CNTNAP2: variants seen among roughly 807,000 people sequenced by gnomAD.
CNTNAP2 encodes contactin associated protein 2.
A neutral mutation model predicts 155.2 loss-of-function variants in CNTNAP2; 98 were observed. The observed-to-expected ratio is 0.63, with a 90% CI of 0.54 to 0.75. CNTNAP2 has a LOEUF of 0.75. Among genes scored for constraint, CNTNAP2 ranks in the 30% least tolerant of loss-of-function variants. The pLI is 0.00. For missense variants in CNTNAP2, 1,727 were observed against 1,688.1 expected, an observed-to-expected ratio of 1.02 and a Z score of -0.40; for synonymous variants, 651 against 631.2, an observed-to-expected ratio of 1.03 and a Z score of -0.47.
At chr7:146,759,873 C>A (rs1802061576) in intron 1 of CNTNAP2, among the ~76,000 whole-genome samples, 1 of 152,008 alleles carries the variant, frequency 6.6e-6, no homozygotes, top group East Asian at 1.9e-4. Context: ...CTGGAAAAAT[C>A]TTATTCAACA....
chr7:146,614,896 T>G (rs565453918), intron 1 of CNTNAP2, among the ~76,000 whole-genome samples: 49 of 152,298 alleles, frequency 3.2e-4, no homozygotes, highest in Middle Eastern at 3.4e-3. Flanking sequence ...AATATTCTAT[T>G]CAGTTATCTG....
chr7:146,332,254 T>G (rs1801200145), intron 1 of CNTNAP2, among the ~76,000 whole-genome samples: 1 of 152,040 alleles, frequency 6.6e-6, no homozygotes, highest in Non-Finnish European at 1.5e-5. Context: ...CGAATGCATA[T>G]TTTTATCTTG....
chr7:146,753,933 A>G (rs1027215247), intron 1 of CNTNAP2, among the ~76,000 whole-genome samples: 1 of 152,076 alleles, frequency 6.6e-6, no homozygotes, highest in Non-Finnish European at 1.5e-5. Flanking sequence ...AAGCTTAACC[A>G]TAATTTATAG....
intron 23 of CNTNAP2, among the ~76,000 whole-genome samples, chr7:148,410,647 A>C (rs1245391981): frequency 6.6e-6 from 1 of 151,918 alleles, no homozygotes; most frequent in Non-Finnish European, 1.5e-5. Flanking sequence ...TCAGAAAATC[A>C]CTGGAGGTCA....
intron 13 of CNTNAP2, among the ~76,000 whole-genome samples, chr7:147,737,896 G>A (rs973829973): frequency 3.3e-5 from 5 of 152,196 alleles, no homozygotes; most frequent in Non-Finnish European, 5.9e-5. Context: ...GGAGTGACCC[G>A]ATTTTCCAGG....
intron 15 of CNTNAP2, among the ~76,000 whole-genome samples, chr7:148,091,863 A>G (rs1803847929): frequency 6.6e-6 from 1 of 152,192 alleles, no homozygotes; most frequent in African/African-American, 2.4e-5. Context: ...AAATTGATGT[A>G]TTTATGACAT....
Position 148,150,134 on chromosome 7 carries a change from C to T in CNTNAP2, c.2773+2425C>T, listed in dbSNP as rs575121679. 8.9e-4 allele frequency among the ~76,000 whole-genome samples: 123 copies of T among 138,342 alleles called. 1 individual carries two copies. Among genetic ancestry groups the T allele is most frequent in the East Asian group, 8.5e-4 (4 of 4,704 alleles). The allele number at this position is 138,342 out of a possible 152,430, so 90.8% of individuals were successfully genotyped here. ...AAAAAAAAAAAAAAAAAAAAAAGGACGGCCACGGTGGCTCACGCCTATAAT... is the reference window on the plus strand; with the variant it reads ...AAAAAAAAAAAAAAAAAAAAAAGGATGGCCACGGTGGCTCACGCCTATAAT... On this transcript the variant is annotated intron_variant, in intron 17 of 23. Transcript: ENST00000361727.
intron 3 of CNTNAP2, among the ~76,000 whole-genome samples, chr7:146,911,030 A>G: frequency 6.6e-6 from 1 of 151,916 alleles, no homozygotes. Context: ...GAAGACATTT[A>G]TGCAGCCAAA....
chr7:147,021,148 T>C (rs1450053359), intron 3 of CNTNAP2, among the ~76,000 whole-genome samples: 1 of 152,168 alleles, frequency 6.6e-6, no homozygotes, highest in East Asian at 1.9e-4. Flanking sequence ...TGGTTTAGAA[T>C]GTGGCCCAAC....
intron 20 of CNTNAP2, among the ~76,000 whole-genome samples, chr7:148,264,170 G>A (rs1193299087): frequency 1.3e-5 from 2 of 152,142 alleles, no homozygotes; most frequent in Admixed American, 6.5e-5. Context: ...TCCATAGAAC[G>A]AAATACTAGT....
intron 8 of CNTNAP2, among the ~76,000 whole-genome samples, chr7:147,277,049 G>A (rs1414571370): frequency 2.0e-5 from 3 of 151,914 alleles, no homozygotes; most frequent in African/African-American, 7.3e-5. Flanking sequence ...CAAGTGCTGC[G>A]TTACAATTCA....
At chr7:147,547,928 G>A (rs1799773198) in intron 11 of CNTNAP2, among the ~76,000 whole-genome samples, 1 of 152,106 alleles carries the variant, frequency 6.6e-6, no homozygotes, top group Non-Finnish European at 1.5e-5. Context: ...TCCCTGAAAA[G>A]GACATAATCT....
intron 11 of CNTNAP2, among the ~76,000 whole-genome samples, chr7:147,530,266 A>G (rs1175351081): frequency 4.0e-5 from 6 of 150,170 alleles, no homozygotes; most frequent in South Asian, 2.1e-4. Context: ...GCTCACCACA[A>G]CCTCCACCTC....
At chr7:147,687,795 G>C (rs990643618) in intron 13 of CNTNAP2, among the ~76,000 whole-genome samples, 4 of 152,102 alleles carry the variant, frequency 2.6e-5, no homozygotes, top group African/African-American at 7.2e-5. Flanking sequence ...TCAGTACACT[G>C]TAAGTTCTAA....
intron 14 of CNTNAP2, among the ~76,000 whole-genome samples, chr7:147,911,898 C>T (rs1002772917): frequency 7.2e-5 from 11 of 152,168 alleles, no homozygotes; most frequent in African/African-American, 1.7e-4. Flanking sequence ...CTGTGAATAA[C>T]GCTGCTACGA....
chr7:147,043,761 G>A (rs777318776), intron 3 of CNTNAP2, 146 bp from the exon 4 acceptor site: 8 of 982,142 alleles, frequency 8.1e-6, no homozygotes, highest in Non-Finnish European at 1.2e-5. Context: ...TTAAGAGTAA[G>A]GAAGCAGCTT....
At chr7:146,395,779 T>TA (rs11462122) in intron 1 of CNTNAP2, among the ~76,000 whole-genome samples, 7,840 of 121,806 alleles carry the variant, frequency 0.064, 482 homozygotes, top group African/African-American at 0.2. Flanking sequence ...GATAGACAGA[T>TA]GATAGATAGA....
At chr7:146,812,383 A>C (rs1803081674) in intron 2 of CNTNAP2, among the ~76,000 whole-genome samples, 2 of 150,008 alleles carry the variant, frequency 1.3e-5, no homozygotes, top group Non-Finnish European at 3.0e-5. Flanking sequence ...CTTTGAACTT[A>C]AAAGAGATGA....
At chr7:147,774,479 G>T (rs1563084057) in intron 13 of CNTNAP2, among the ~76,000 whole-genome samples, 1 of 152,156 alleles carries the variant, frequency 6.6e-6, no homozygotes, top group Non-Finnish European at 1.5e-5. Context: ...CTGAATGTTT[G>T]TCCCACCCCA....
Sources: allele counts gnomAD v4.1 joint callset (sites outside exome capture counted in the v4.1 genomes callset), GRCh38; gene constraint gnomAD v4.1.1; transcripts MANE v1.5; gene names NCBI Gene and HGNC (gene_info 2026-07-23, HGNC 2026-07-21).